The following CYP46A1 variants were observed in gnomAD, a reference collection of about 807,000 sequenced individuals.
CYP46A1 encodes cytochrome P450 family 46 subfamily A member 1.
Under a neutral mutation model 63.3 loss-of-function variants are expected in CYP46A1, and 20 were observed. The ratio of observed to expected loss-of-function variants is 0.32; its 90% confidence interval spans 0.22 to 0.46. CYP46A1 has a LOEUF of 0.46. Ranked by LOEUF, CYP46A1 falls within the 20% of genes least tolerant of loss-of-function variation. The probability of loss-of-function intolerance (pLI) is 1.00; values close to 1 mark genes in which losing one functional copy is unlikely to be tolerated. For missense variants in CYP46A1, 445 were observed against 670.8 expected, an observed-to-expected ratio of 0.66 and a Z score of 3.72; for synonymous variants, 268 against 273.6, an observed-to-expected ratio of 0.98 and a Z score of 0.20.
chr14:99,692,306 G>A (rs1010307426), intron 3 of CYP46A1, among the ~76,000 whole-genome samples: 2 of 152,210 alleles, frequency 1.3e-5, no homozygotes, highest in Admixed American at 6.5e-5. Context: ...AATTAGTGAC[G>A]CATTTAATCC....
intron 3 of CYP46A1, among the ~76,000 whole-genome samples, chr14:99,692,722 T>TG (rs1350158713): frequency 1.4e-5 from 2 of 145,458 alleles, no homozygotes; most frequent in African/African-American, 2.6e-5. Context: ...CCCAGCTACC[T>TG]GGGGGGCTGA....
At chr14:99,706,926 T>C (rs2140125592) in intron 6 of CYP46A1, 141 bp downstream of exon 6, 3 of 1,118,366 alleles carry the variant, frequency 2.7e-6, no homozygotes, top group South Asian at 1.7e-5. Flanking sequence ...ATATATTCTG[T>C]ATACATTCTG....
At chr14:99,684,847 GC>G in intron 1 of CYP46A1, 1 of 467,934 alleles carries the variant, frequency 2.1e-6, no homozygotes, top group African/African-American at 2.0e-5. Flanking sequence ...GAAGTCACCT[GC>G]CCAAGGTCAC....
At chr14:99,701,593 A>AT (rs1453106503) in intron 5 of CYP46A1, among the ~76,000 whole-genome samples, 1 of 152,200 alleles carries the variant, frequency 6.6e-6, no homozygotes, top group African/African-American at 2.4e-5. Context: ...ATTTCTTAGA[A>AT]TGTATCCTTG....
At chr14:99,721,620 T>C (rs1056989465) in intron 11 of CYP46A1, among the ~76,000 whole-genome samples, 1 of 152,152 alleles carries the variant, frequency 6.6e-6, no homozygotes, top group Non-Finnish European at 1.5e-5. Context: ...CTTCCCCTGG[T>C]GGAGTCAGGC....
At chr14:99,715,547 T>C (rs970830691) in intron 7 of CYP46A1, among the ~76,000 whole-genome samples, 1 of 152,136 alleles carries the variant, frequency 6.6e-6, no homozygotes, top group Admixed American at 6.5e-5. Flanking sequence ...GGTCCCTTTT[T>C]ACCTTGCAGG....
At chr14:99,697,057 A>G (rs1054106165) in intron 3 of CYP46A1, among the ~76,000 whole-genome samples, 1 of 152,194 alleles carries the variant, frequency 6.6e-6, no homozygotes, top group African/African-American at 2.4e-5. Context: ...GGAAACTTGA[A>G]TAATTATTGG....
At chr14:99,699,002 G>A (rs979118766) in intron 3 of CYP46A1, among the ~76,000 whole-genome samples, 4 of 152,168 alleles carry the variant, frequency 2.6e-5, no homozygotes, top group African/African-American at 4.8e-5. Context: ...GGGTGGAAGT[G>A]TGCCTTCACA....
chr14:99,702,645 C>T (rs1363187304), intron 5 of CYP46A1, among the ~76,000 whole-genome samples: 1 of 152,012 alleles, frequency 6.6e-6, no homozygotes, highest in Non-Finnish European at 1.5e-5. Context: ...TTTATCATTT[C>T]TTCTCTTTAT....
intron 1 of CYP46A1, among the ~76,000 whole-genome samples, chr14:99,688,943 T>C (rs2056519874): frequency 6.6e-6 from 1 of 152,180 alleles, no homozygotes; most frequent in South Asian, 2.1e-4. Context: ...CCAACTCTCC[T>C]GGCTCTCTTC....
intron 4 of CYP46A1, 51 bp from the exon 5 acceptor site, chr14:99,699,964 C>CGGGG: frequency 2.6e-6 from 2 of 773,848 alleles, no homozygotes; most frequent in Non-Finnish European, 4.2e-6. Context: ...ATCAAGCAGT[C>CGGGG]GCTCCCCACC....
intron 5 of CYP46A1, chr14:99,703,811 A>G: frequency 1.0e-6 from 1 of 984,510 alleles, no homozygotes; most frequent in Non-Finnish European, 1.2e-6. Flanking sequence ...AGGAATGCCC[A>G]TAGAGTGAAT....
Position 99,684,546 on chromosome 14 carries a change from G to A in CYP46A1, c.119+10G>A. ...GGCCGCCGCGGCCCAGGTGAGCGGG[G>A]CTGGGGGCGGGGCCTGGCTGGGGTG... is the stretch of plus-strand genomic sequence containing the variant. On this transcript the variant is annotated intron_variant, in intron 1 of 14. Transcript: ENST00000261835. 1 of 1,454,818 alleles carries A rather than the reference G, an allele frequency of 6.9e-7. No individual in the cohort carries two copies. The highest frequency in any genetic ancestry group is 1.3e-5 in the South Asian group (1 of 74,516). 90.1% of individuals were successfully genotyped at this position (1,454,818 alleles called of 1,614,324 possible).
At position 99,722,193 on chromosome 14, in the gene CYP46A1, T is replaced by C. The variant is rs1595208255; in HGVS notation, c.1176+127T>C. 1.6e-6 allele frequency: 1 copy of C among 636,830 alleles called. No homozygotes were observed. The highest frequency in any genetic ancestry group is 2.7e-6 in the Non-Finnish European group (1 of 364,530). The allele number at this position is 636,830 out of a possible 1,614,324, so 39.4% of individuals were successfully genotyped here. A position where few individuals can be genotyped will look rare whatever the true frequency, so the allele number is the denominator to read the frequency against. ...TTGCAACGGGCCTCACTGGCTGCCC[T>C]GGTCTTTCTCATGGAGTCTCACCAT... On this transcript the variant is annotated intron_variant, in intron 12 of 14. Coordinates refer to ENST00000261835, the MANE Select transcript of CYP46A1 (RefSeq NM_006668.2). The surrounding 1 kb of genome is among the most constrained non-coding windows in gnomAD (Gnocchi z 4.6).
In CYP46A1 at chr14:99,716,181, G is replaced by A. The variant is rs754138869; in HGVS notation, c.889G>A (p.Val297Ile). 7 of 1,614,238 alleles carry A rather than the reference G, an allele frequency of 4.3e-6. No individual in the cohort carries two copies. Among genetic ancestry groups the A allele is most frequent in the South Asian group, 1.1e-5 (1 of 91,084 alleles). Residue 297 changes from valine (V) to isoleucine (I), a missense_variant, in exon 9 of 15, where the codon GTC becomes ATC. Around this residue, in one of 4 missense-constraint regions of CYP46A1, gnomAD observed 13 missense variants for 50.5 expected, o/e 0.26. Coordinates refer to ENST00000261835, the MANE Select transcript of CYP46A1 (RefSeq NM_006668.2). ...QDDEGLLDNF[V>I]TFFIAGHETS... ...CGACGAGGGTCTGCTGGACAACTTCGTCACCTTCTTCATTGCTGGTTTGTA... is the reference window on the plus strand; with the variant it reads ...CGACGAGGGTCTGCTGGACAACTTCATCACCTTCTTCATTGCTGGTTTGTA...
chr14:99,691,691 G>A (rs543968535), intron 2 of CYP46A1, 89 bp from the exon 3 acceptor site: 8 of 1,260,642 alleles, frequency 6.3e-6, no homozygotes, highest in South Asian at 2.4e-5. Context: ...CTTCTGGGAC[G>A]GGAAACATCG....
chr14:99,722,870 C>G lies in CYP46A1; in HGVS notation c.1176+804C>G, dbSNP rs146921729. The G allele has an allele frequency of 2.2e-6, 1 of 450,176 alleles. No individual in the cohort carries two copies. Among genetic ancestry groups the G allele is most frequent in the African/African-American group, 2.0e-5 (1 of 50,152 alleles). The allele number at this position is 450,176 out of a possible 1,614,324, so 27.9% of individuals were successfully genotyped here. A position where few individuals can be genotyped will look rare whatever the true frequency, so the allele number is the denominator to read the frequency against. ...GAGCACCACAGCAACGATGCCATTT[C>G]TGTCCGCATGTCCAGGAACAGTGTG... On this transcript the variant is annotated intron_variant, in intron 12 of 14. Transcript: ENST00000261835. The surrounding 1 kb of genome is among the most constrained non-coding windows in gnomAD (Gnocchi z 4.6).
intron 10 of CYP46A1, among the ~76,000 whole-genome samples, chr14:99,719,515 C>T (rs1327453759): frequency 6.6e-6 from 1 of 152,022 alleles, no homozygotes; most frequent in East Asian, 1.9e-4. Context: ...AGCCACTGCT[C>T]CTGGCCTCCG....
rs2056863088 is a variant in CYP46A1 at position 99,723,006 on chromosome 14, A to G, written c.1176+940A>G. On this transcript the variant is annotated intron_variant, in intron 12 of 14. Transcript: ENST00000261835. ...CATTGTTTTCCAAAGTGGCTGCACCAACTTGGATGCCCAGTAGTGGTGAGA... is the reference window on the plus strand; with the variant it reads ...CATTGTTTTCCAAAGTGGCTGCACCGACTTGGATGCCCAGTAGTGGTGAGA... 8 of 413,286 alleles carry G rather than the reference A, an allele frequency of 1.9e-5. No individual in the cohort carries two copies. In the Admixed American group the frequency reaches 2.0e-4, roughly 10 times the overall value. The allele number at this position is 413,286 out of a possible 1,614,324, so 25.6% of individuals were successfully genotyped here. A position where few individuals can be genotyped will look rare whatever the true frequency, so the allele number is the denominator to read the frequency against.
Sources: allele counts gnomAD v4.1 joint callset (sites outside exome capture counted in the v4.1 genomes callset), GRCh38; gene constraint gnomAD v4.1.1; regional missense constraint gnomAD v4.1.1; non-coding constraint Gnocchi (gnomAD v3.1); transcripts MANE v1.5; gene names NCBI Gene and HGNC (gene_info 2026-07-23, HGNC 2026-07-21).